The following ALPL variants were observed in gnomAD, a reference collection of about 807,000 sequenced individuals.
The protein encoded by ALPL is alkaline phosphatase, tissue-nonspecific isozyme.
ALPL carries 42 observed loss-of-function variants against 51.3 expected under a neutral mutation model. The observed-to-expected ratio is 0.82, with a 90% CI of 0.64 to 1.06. The LOEUF is 1.06. Ranked by LOEUF, ALPL falls within the 50% of genes least tolerant of loss-of-function variation. The pLI, the probability that ALPL is intolerant of heterozygous loss-of-function variation, is 0.00. For synonymous variants in ALPL, 279 were observed against 296.4 expected (o/e 0.94, Z 0.60); for missense variants, 589 against 709.4 (o/e 0.83, Z 1.93).
rs773804826 is a variant in ALPL, at chr1:21,573,817, G to A, written c.997+18G>A. 1 of 1,614,096 alleles carries A rather than the reference G, an allele frequency of 6.2e-7. No homozygotes were observed. The highest frequency in any genetic ancestry group is 1.1e-5 in the South Asian group (1 of 91,056). On this transcript the variant is annotated intron_variant, in intron 9 of 11. Transcript: ENST00000374840. ...GGTGGAAGGTAGGGACCCCGGGTCT[G>A]CTGAGAGGGGGCTGCTGGAAACACG...
chr1:21,527,950 A>C (rs1643970293), intron 1 of ALPL, among the ~76,000 whole-genome samples: 1 of 151,648 alleles, frequency 6.6e-6, no homozygotes, highest in African/African-American at 2.4e-5. Context: ...TTCCATTTGT[A>C]AGTGTTCTGT....
intron 1 of ALPL, among the ~76,000 whole-genome samples, chr1:21,527,774 T>C (rs1411224414): frequency 2.6e-5 from 4 of 151,854 alleles, no homozygotes; most frequent in African/African-American, 9.7e-5. Context: ...GGTCTCAAAC[T>C]CCCAACCTGA....
chr1:21,554,793 CTGTCTGTCTGTCTGT>C (rs1558543619), intron 2 of ALPL, among the ~76,000 whole-genome samples: 8 of 38,274 alleles, frequency 2.1e-4, no homozygotes, highest in South Asian at 1.1e-3. Context: ...CCTGGCCTGT[CTGTCTGTCTGTCTGT>C]CTGTCTGTCT....
intron 6 of ALPL, among the ~76,000 whole-genome samples, chr1:21,567,820 T>C (rs1413705757): frequency 3.9e-5 from 6 of 152,214 alleles, no homozygotes; most frequent in Non-Finnish European, 7.3e-5. Context: ...GGTCTGATTC[T>C]TATTCGAGTG....
chr1:21,553,891 A>G, intron 1 of ALPL, 87 bp from the exon 2 acceptor site: 1 of 636,962 alleles, frequency 1.6e-6, no homozygotes, highest in East Asian at 2.8e-5. Flanking sequence ...ATACTTGTTG[A>G]ATGAATCAAG....
At chr1:21,542,211 C>G (rs1218941248) in intron 1 of ALPL, among the ~76,000 whole-genome samples, 1 of 152,194 alleles carries the variant, frequency 6.6e-6, no homozygotes, top group East Asian at 1.9e-4. Flanking sequence ...GGGCTCCCTC[C>G]CTAGGCAGCT....
At chr1:21,510,231 G>A (rs950474293) in intron 1 of ALPL, among the ~76,000 whole-genome samples, 1 of 152,196 alleles carries the variant, frequency 6.6e-6, no homozygotes, top group Non-Finnish European at 1.5e-5. Context: ...GGTAAGAAAG[G>A]GTTAAACGCA....
intron 4 of ALPL, among the ~76,000 whole-genome samples, chr1:21,562,775 C>T (rs1484723677): frequency 6.6e-6 from 1 of 151,814 alleles, no homozygotes; most frequent in African/African-American, 2.4e-5. Flanking sequence ...GACTCCCCTG[C>T]TCCCCAACCC....
intron 1 of ALPL, among the ~76,000 whole-genome samples, chr1:21,546,103 A>G (rs1345686279): frequency 2.0e-5 from 3 of 152,130 alleles, no homozygotes; most frequent in Non-Finnish European, 4.4e-5. Flanking sequence ...CAATTCTTTT[A>G]AATTTAATTC....
chr1:21,577,977 G>A lies in ALPL; in HGVS notation c.*329G>A. On this transcript the variant is annotated 3_prime_UTR_variant, in exon 12 of 12. Coordinates refer to ENST00000374840, the MANE Select transcript of ALPL (RefSeq NM_000478.6). The stretch of plus-strand genomic sequence containing the variant: ...GCGAACGTATTTCTCCAGACCCAGA[G>A]GCCCTGAAGCCTCCGTGGAACATTC... 1 of 444,990 alleles carries A rather than the reference G, an allele frequency of 2.2e-6. No individual in the cohort carries two copies. Among genetic ancestry groups the A allele is most frequent in the Non-Finnish European group, 4.1e-6 (1 of 244,826 alleles). 27.6% of individuals were successfully genotyped at this position (444,990 alleles called of 1,614,324 possible).
intron 1 of ALPL, among the ~76,000 whole-genome samples, chr1:21,543,448 GC>G (rs1358497484): frequency 6.6e-6 from 1 of 151,922 alleles, no homozygotes; most frequent in African/African-American, 2.4e-5. Flanking sequence ...ATAAAGACCG[GC>G]CGGGCAGAAA....
chr1:21,568,466 A>C (rs1254103790), intron 7 of ALPL, among the ~76,000 whole-genome samples: 1 of 152,086 alleles, frequency 6.6e-6, no homozygotes, highest in Non-Finnish European at 1.5e-5. Flanking sequence ...GATGGTGAGG[A>C]GGAGGCTGGG....
At chr1:21,543,045 T>C (rs1356340360) in intron 1 of ALPL, among the ~76,000 whole-genome samples, 1 of 152,058 alleles carries the variant, frequency 6.6e-6, no homozygotes, top group Admixed American at 6.6e-5. Context: ...TCCCAGCTAC[T>C]TGGGAGGCTG....
chr1:21,528,257 C>T (rs371731100), intron 1 of ALPL, among the ~76,000 whole-genome samples: 7 of 151,408 alleles, frequency 4.6e-5, no homozygotes, highest in Non-Finnish European at 1.0e-4. Context: ...TGGGCTTAAG[C>T]GATCCTCCTG....
rs776442538 is a variant in ALPL, at chr1:21,554,085, A to G, written c.4A>G (p.Ile2Val). 6.2e-7 allele frequency: 1 copy of G among 1,610,088 alleles called. No individual in the cohort carries two copies. The highest frequency in any genetic ancestry group is 8.5e-7 in the Non-Finnish European group (1 of 1,178,056). M[I>V]SPFLVLAIGT... ...AAAGCAGGTCTTGGGGTGCACCATGATTTCACCATTCTTAGTACTGGCCAT... is the reference window on the plus strand; with the variant it reads ...AAAGCAGGTCTTGGGGTGCACCATGGTTTCACCATTCTTAGTACTGGCCAT... Residue 2 changes from isoleucine (I) to valine (V), a missense_variant, in exon 2 of 12, where the codon ATT becomes GTT. Transcript: ENST00000374840.
At chr1:21,567,070 C>T (rs981564674) in intron 6 of ALPL, among the ~76,000 whole-genome samples, 1 of 152,210 alleles carries the variant, frequency 6.6e-6, no homozygotes, top group Admixed American at 6.5e-5. Context: ...TCCAGCCATC[C>T]TGTGTTCCTG....
intron 8 of ALPL, among the ~76,000 whole-genome samples, chr1:21,570,825 T>G (rs10917009): frequency 0.18 from 27,909 of 152,082 alleles, 3,147 homozygotes; most frequent in East Asian, 0.45. Flanking sequence ...GTGGGGAGCA[T>G]GTGGTGAGGG....
chr1:21,577,401 C>T lies in ALPL; in HGVS notation c.1328C>T (p.Ala443Val), dbSNP rs768053120. 9.9e-6 allele frequency: 16 copies of T among 1,613,312 alleles called. No individual in the cohort carries two copies. The highest frequency in any genetic ancestry group is 1.4e-5 in the Non-Finnish European group (16 of 1,179,964). ...CCCACAGCTCACAACAACTACCAGG[C>T]GCAGTCTGCTGTGCCCCTGCGCCAC... Reference protein sequence around the residue: ...MVDYAHNNYQAQSAVPLRHET... With the variant: ...MVDYAHNNYQVQSAVPLRHET... The change falls in exon 12 of 12, where the codon GCG becomes GTG. Residue 443 changes from alanine (A) to valine (V), a missense_variant. Physicochemically the swap from Ala to Val is moderately conservative, Grantham distance 64. Transcript: ENST00000374840.
intron 1 of ALPL, among the ~76,000 whole-genome samples, chr1:21,510,231 G>T (rs950474293): frequency 6.6e-6 from 1 of 152,196 alleles, no homozygotes; most frequent in Non-Finnish European, 1.5e-5. Flanking sequence ...GGTAAGAAAG[G>T]GTTAAACGCA....
Sources: gnomAD v4.1 joint callset for allele counts (sites outside exome capture counted in the v4.1 genomes callset) on GRCh38, gnomAD v4.1.1 for gene constraint, MANE v1.5 for transcripts, NCBI Gene and HGNC (gene_info 2026-07-23, HGNC 2026-07-21) for gene names.